The following ZDHHC17 variants were observed in gnomAD, a reference collection of about 807,000 sequenced individuals.
ZDHHC17 encodes zDHHC palmitoyltransferase 17.
In ZDHHC17, 40 loss-of-function variants were observed where a neutral mutation model predicts 90.3. The ratio of observed to expected loss-of-function variants is 0.44; its 90% confidence interval spans 0.34 to 0.58. ZDHHC17 has a LOEUF of 0.58. Ranked by LOEUF, ZDHHC17 falls within the 20% of genes least tolerant of loss-of-function variation. The pLI, the probability that ZDHHC17 is intolerant of heterozygous loss-of-function variation, is 0.01. For missense variants in ZDHHC17, 614 were observed against 780.8 expected (o/e 0.79, Z 2.55); for synonymous variants, 235 against 252.4 (o/e 0.93, Z 0.65).
chr12:76,789,640 TA>T (rs1952736146), intron 1 of ZDHHC17, among the ~76,000 whole-genome samples: 1 of 151,946 alleles, frequency 6.6e-6, no homozygotes, highest in Non-Finnish European at 1.5e-5. Flanking sequence ...ACTATGATTA[TA>T]GACTATATAA....
intron 1 of ZDHHC17, among the ~76,000 whole-genome samples, chr12:76,789,489 G>C (rs992699489): frequency 1.3e-5 from 2 of 152,118 alleles, no homozygotes; most frequent in African/African-American, 4.8e-5. Context: ...AAATGTTTCA[G>C]AACATTTTGA....
intron 11 of ZDHHC17, 58 bp from the exon 12 acceptor site, chr12:76,842,861 A>T: frequency 1.5e-6 from 2 of 1,305,498 alleles, no homozygotes; most frequent in African/African-American, 1.5e-5. Flanking sequence ...TAGTGGTGGC[A>T]AAAGAGTTGG....
intron 1 of ZDHHC17, among the ~76,000 whole-genome samples, chr12:76,774,333 T>TACAC (rs146148501): frequency 3.4e-5 from 5 of 149,084 alleles, no homozygotes; most frequent in Non-Finnish European, 7.5e-5. Context: ...TATATATACA[T>TACAC]ACACACACAC....
chr12:76,835,942 G>T (rs1953357695), intron 10 of ZDHHC17, among the ~76,000 whole-genome samples: 1 of 151,342 alleles, frequency 6.6e-6, no homozygotes, highest in African/African-American at 2.4e-5. Flanking sequence ...AACTTTTTGT[G>T]AATTGTGTAT....
At position 76,766,973 on chromosome 12, in the gene ZDHHC17, C is replaced by G. The variant is rs1137641; in HGVS notation, c.93+2644C>G. On this transcript the variant is annotated intron_variant, in intron 1 of 16. Coordinates refer to ENST00000426126, the MANE Select transcript of ZDHHC17 (RefSeq NM_015336.4). ...GGTTGAGGCTGCAGTGAGCCATGAT[C>G]GAGCAGCTGTACTCCATCCTGGGTG... Among the ~76,000 whole-genome samples the G allele has an allele frequency of 8.9e-3, 1,331 of 149,442 alleles. 17 individuals are homozygous for G. Among genetic ancestry groups the G allele is most frequent in the African/African-American group, 0.031 (1,264 of 40,172 alleles).
At chr12:76,787,605 A>ACTCTGTCT (rs2079057678) in intron 1 of ZDHHC17, among the ~76,000 whole-genome samples, 2 of 142,188 alleles carry the variant, frequency 1.4e-5, no homozygotes, top group African/African-American at 5.3e-5. Context: ...GAAAACACAC[A>ACTCTGTCT]CTCTGTCTCT....
At chr12:76,822,643 C>T (rs1252587831) in intron 8 of ZDHHC17, 112 bp downstream of exon 8, 9 of 811,112 alleles carry the variant, frequency 1.1e-5, no homozygotes, top group Admixed American at 2.8e-5. Flanking sequence ...CAATCCCTGC[C>T]TCTCGGTTTA....
chr12:76,813,626 T>C (rs1487358900), intron 5 of ZDHHC17, among the ~76,000 whole-genome samples: 1 of 152,116 alleles, frequency 6.6e-6, no homozygotes, highest in African/African-American at 2.4e-5. Context: ...GTGTGCTTAC[T>C]GTAACTCTCT....
chr12:76,766,320 G>A (rs1462450383), intron 1 of ZDHHC17, among the ~76,000 whole-genome samples: 1 of 152,140 alleles, frequency 6.6e-6, no homozygotes, highest in Non-Finnish European at 1.5e-5. Context: ...GTACTACATG[G>A]CTGAGGTCTT....
intron 10 of ZDHHC17, among the ~76,000 whole-genome samples, chr12:76,833,148 A>G (rs773978030): frequency 1.3e-5 from 2 of 152,180 alleles, no homozygotes; most frequent in African/African-American, 2.4e-5. Context: ...CATTCTTTGA[A>G]TAATTATTTC....
At chr12:76,821,992 C>T (rs1953168348) in intron 7 of ZDHHC17, among the ~76,000 whole-genome samples, 1 of 152,202 alleles carries the variant, frequency 6.6e-6, no homozygotes, top group African/African-American at 2.4e-5. Context: ...AGACTCCTAT[C>T]ATTGTTGAAA....
chr12:76,798,100 G>C (rs1024453320), intron 2 of ZDHHC17, among the ~76,000 whole-genome samples: 6 of 152,134 alleles, frequency 3.9e-5, no homozygotes, highest in African/African-American at 1.4e-4. Flanking sequence ...TGGTGAGTTG[G>C]AAAACATTGT....
At position 76,821,511 on chromosome 12, in the gene ZDHHC17, A is replaced by G. The variant is rs1246575191; in HGVS notation, c.772-895A>G. On this transcript the variant is annotated intron_variant, in intron 7 of 16. Transcript: ENST00000426126. ...ATTCTTTTTGACCTTGTTTTTGGAA[A>G]TAAAATTTCAGTGGTTTTACTTTTT... Among the ~76,000 whole-genome samples the G allele has an allele frequency of 2.0e-5, 3 of 152,224 alleles. No individual in the cohort carries two copies. The East Asian group carries it at 5.8e-4, about 29-fold the overall frequency.
chr12:76,811,694 T>A (rs1199007229), intron 5 of ZDHHC17, among the ~76,000 whole-genome samples: 2 of 151,264 alleles, frequency 1.3e-5, no homozygotes, highest in African/African-American at 4.9e-5. Context: ...CATAATAGAA[T>A]ATGACTTAGA....
At chr12:76,781,246 C>T (rs1952622262) in intron 1 of ZDHHC17, among the ~76,000 whole-genome samples, 1 of 151,700 alleles carries the variant, frequency 6.6e-6, no homozygotes, top group Non-Finnish European at 1.5e-5. Context: ...GTTGAAGATA[C>T]TTATAAGTTC....
At chr12:76,842,221 C>G (rs911577969) in intron 11 of ZDHHC17, 115 bp downstream of exon 11, 2 of 1,142,374 alleles carry the variant, frequency 1.8e-6, no homozygotes, top group East Asian at 6.0e-5. Context: ...AAGTTTTAAG[C>G]TAAATTGAGA....
intron 15 of ZDHHC17, 47 bp from the exon 16 acceptor site, chr12:76,849,323 CAAAAAA>C (rs34062414): frequency 2.4e-5 from 11 of 454,790 alleles, no homozygotes; most frequent in East Asian, 6.3e-5. Flanking sequence ...GGTCCTGTCT[CAAAAAA>C]AAAAAAAAAA....
chr12:76,808,207 A>G (rs1035393398), intron 3 of ZDHHC17, among the ~76,000 whole-genome samples: 3 of 152,234 alleles, frequency 2.0e-5, no homozygotes, highest in African/African-American at 7.2e-5. Flanking sequence ...ACAGTTTAAG[A>G]GTATACATAT....
At chr12:76,810,233 G>A (rs1205439032) in intron 5 of ZDHHC17, among the ~76,000 whole-genome samples, 7 of 152,044 alleles carry the variant, frequency 4.6e-5, no homozygotes, top group African/African-American at 1.7e-4. Flanking sequence ...TCTTGAGAGG[G>A]ATACATTTTT....
Sources: gnomAD v4.1 joint callset for allele counts (sites outside exome capture counted in the v4.1 genomes callset) on GRCh38, gnomAD v4.1.1 for gene constraint, MANE v1.5 for transcripts, NCBI Gene and HGNC (gene_info 2026-07-23, HGNC 2026-07-21) for gene names.